Variants in ZNF804A observed in about 807,000 individuals in gnomAD.
ZNF804A encodes zinc finger protein 804A.
In ZNF804A, 2 loss-of-function variants were observed where a neutral mutation model predicts 16.5. The observed-to-expected ratio is 0.12, with a 90% confidence interval of 0.05 to 0.38. The LOEUF is 0.38. Among genes scored for constraint, ZNF804A ranks in the 10% least tolerant of loss-of-function variants. ZNF804A has a pLI of 0.99. For synonymous variants in ZNF804A, 534 were observed against 489.6 expected (o/e 1.09, Z -1.20); for missense variants, 1,473 against 1,390.7 (o/e 1.06, Z -0.94).
At chr2:184,853,070 A>G (rs1449913348) in intron 1 of ZNF804A, among the ~76,000 whole-genome samples, 1 of 151,874 alleles carries the variant, frequency 6.6e-6, no homozygotes, top group African/African-American at 2.4e-5. Context: ...CTTCCAATCC[A>G]TGAACACAGA....
chr2:184,809,732 C>T (rs74476467), intron 1 of ZNF804A, among the ~76,000 whole-genome samples: 5,322 of 151,768 alleles, frequency 0.035, 306 homozygotes, highest in African/African-American at 0.12. Context: ...CCCTGTGTGT[C>T]TATATATGCG....
intron 1 of ZNF804A, among the ~76,000 whole-genome samples, chr2:184,833,813 C>T (rs1021981538): frequency 2.6e-5 from 4 of 151,954 alleles, no homozygotes; most frequent in Non-Finnish European, 4.4e-5. Context: ...AGCAAACCAC[C>T]ATGGCACATG....
chr2:184,879,368 T>C (rs1176931460), intron 2 of ZNF804A, among the ~76,000 whole-genome samples: 4 of 151,994 alleles, frequency 2.6e-5, no homozygotes, highest in Non-Finnish European at 5.9e-5. Flanking sequence ...ATAGTGAAGT[T>C]TTCAACCTCA....
At chr2:184,859,585 A>C (rs1695759685) in intron 1 of ZNF804A, among the ~76,000 whole-genome samples, 1 of 152,098 alleles carries the variant, frequency 6.6e-6, no homozygotes, top group Non-Finnish European at 1.5e-5. Flanking sequence ...TTTCTCAAGC[A>C]GTTTTTATAT....
In ZNF804A at chr2:184,905,568, T is replaced by C. The variant is rs188597812; in HGVS notation, c.256-28035T>C. On this transcript the variant is annotated intron_variant, in intron 2 of 3. Transcript: ENST00000302277. ...ATCTCAGTTTCATTCTCATTTCTTT[T>C]AGGTGATGTGTTATTTTTTCTGTAG... Among the ~76,000 whole-genome samples the C allele has an allele frequency of 9.8e-5, 15 of 152,304 alleles. No homozygotes were observed. The East Asian group carries it at 2.9e-3, about 29-fold the overall frequency.
intron 2 of ZNF804A, among the ~76,000 whole-genome samples, chr2:184,884,680 A>G (rs1368079227): frequency 6.6e-6 from 1 of 152,056 alleles, no homozygotes; most frequent in Admixed American, 6.6e-5. Flanking sequence ...TTTATACTGT[A>G]TACAAAAATT....
intron 1 of ZNF804A, among the ~76,000 whole-genome samples, chr2:184,722,942 A>G (rs932817158): frequency 6.6e-6 from 1 of 151,964 alleles, no homozygotes; most frequent in Admixed American, 6.6e-5. Context: ...GCCATTCAAA[A>G]CAGTGTTACT....
intron 1 of ZNF804A, among the ~76,000 whole-genome samples, chr2:184,689,271 C>T (rs1009390344): frequency 6.6e-6 from 1 of 152,098 alleles, no homozygotes; most frequent in Non-Finnish European, 1.5e-5. Flanking sequence ...TACAATATTT[C>T]TGATACAATC....
At chr2:184,647,658 C>T (rs1691903932) in intron 1 of ZNF804A, among the ~76,000 whole-genome samples, 1 of 152,090 alleles carries the variant, frequency 6.6e-6, no homozygotes. Flanking sequence ...GCATGAAGAT[C>T]TGTATTTTGA....
At chr2:184,750,072 CTG>C (rs1255873315) in intron 1 of ZNF804A, among the ~76,000 whole-genome samples, 1 of 151,278 alleles carries the variant, frequency 6.6e-6, no homozygotes, top group Non-Finnish European at 1.5e-5. Flanking sequence ...TACATCGAGA[CTG>C]TATATATGTG....
intron 1 of ZNF804A, among the ~76,000 whole-genome samples, chr2:184,750,475 A>C (rs1185850189): frequency 6.6e-6 from 1 of 151,376 alleles, no homozygotes; most frequent in African/African-American, 2.4e-5. Flanking sequence ...GGGTACAGAC[A>C]TATATAGTTG....
intron 1 of ZNF804A, among the ~76,000 whole-genome samples, chr2:184,718,448 A>G (rs892982460): frequency 6.6e-6 from 1 of 152,166 alleles, no homozygotes; most frequent in Non-Finnish European, 1.5e-5. Flanking sequence ...GCATTAACTC[A>G]AAAGTCCATA....
chr2:184,768,967 C>T (rs2105767486), intron 1 of ZNF804A, among the ~76,000 whole-genome samples: 1 of 152,180 alleles, frequency 6.6e-6, no homozygotes, highest in African/African-American at 2.4e-5. Context: ...AGAATCAGAT[C>T]ATCACCATTA....
chr2:184,906,865 T>A (rs1344181749), intron 2 of ZNF804A, among the ~76,000 whole-genome samples: 1 of 152,132 alleles, frequency 6.6e-6, no homozygotes. Flanking sequence ...AGCCAGAGAT[T>A]TGAAGCATGA....
intron 2 of ZNF804A, among the ~76,000 whole-genome samples, chr2:184,883,580 C>T (rs1036649976): frequency 2.6e-5 from 4 of 152,020 alleles, no homozygotes; most frequent in African/African-American, 9.7e-5. Context: ...AACCCAACAG[C>T]ACATCAAAAA....
At chr2:184,873,734 C>CA (rs1315070431) in intron 2 of ZNF804A, among the ~76,000 whole-genome samples, 6 of 151,454 alleles carry the variant, frequency 4.0e-5, no homozygotes, top group Non-Finnish European at 7.4e-5. Flanking sequence ...GGACATTTTA[C>CA]AAAAAAGGAA....
At chr2:184,865,091 G>T (rs1695854767) in intron 1 of ZNF804A, among the ~76,000 whole-genome samples, 1 of 151,846 alleles carries the variant, frequency 6.6e-6, no homozygotes, top group African/African-American at 2.4e-5. Flanking sequence ...TGTTGGTCAG[G>T]CTGGTCTTGA....
At chr2:184,834,449 G>A (rs901505092) in intron 1 of ZNF804A, among the ~76,000 whole-genome samples, 1 of 152,066 alleles carries the variant, frequency 6.6e-6, no homozygotes. Flanking sequence ...GGAGCTAGAT[G>A]TTTTGTTTTC....
intron 1 of ZNF804A, among the ~76,000 whole-genome samples, chr2:184,766,694 G>A (rs1452359228): frequency 6.6e-6 from 1 of 151,132 alleles, no homozygotes; most frequent in Non-Finnish European, 1.5e-5. Flanking sequence ...TATCCAAAAT[G>A]ATTGAAAGCG....
Sources: allele counts gnomAD v4.1 joint callset (sites outside exome capture counted in the v4.1 genomes callset), GRCh38; gene constraint gnomAD v4.1.1; transcripts MANE v1.5; gene names NCBI Gene and HGNC (gene_info 2026-07-23, HGNC 2026-07-21).